Variants in TMPRSS15 observed in about 807,000 individuals in gnomAD.
TMPRSS15 encodes transmembrane serine protease 15.
In TMPRSS15, 128 loss-of-function variants were observed where a neutral mutation model predicts 125.3. That is an observed-to-expected ratio of 1.02 (90% CI 0.89 to 1.18). TMPRSS15 has a LOEUF of 1.18. TMPRSS15 is among the 50% of genes most tolerant of loss of function. TMPRSS15 has a pLI of 0.00. For synonymous variants in TMPRSS15, 446 were observed against 423.2 expected (o/e 1.05, Z -0.66); for missense variants, 1,283 against 1,212.7 (o/e 1.06, Z -0.86).
At chr21:18,362,134 T>C (rs1247035281) in intron 7 of TMPRSS15, among the ~76,000 whole-genome samples, 1 of 152,000 alleles carries the variant, frequency 6.6e-6, no homozygotes, top group East Asian at 1.9e-4. Flanking sequence ...CAGAAGATCA[T>C]CCCAGAGTAG....
At chr21:18,455,007 C>A (rs2123263195) in intron 1 of TMPRSS15, among the ~76,000 whole-genome samples, 1 of 152,184 alleles carries the variant, frequency 6.6e-6, no homozygotes, top group African/African-American at 2.4e-5. Flanking sequence ...GGGTGGGACC[C>A]AGTGGGAAGT....
chr21:18,363,295 G>C (rs1227636310), intron 7 of TMPRSS15, among the ~76,000 whole-genome samples: 5 of 151,864 alleles, frequency 3.3e-5, no homozygotes, highest in Non-Finnish European at 7.4e-5. Flanking sequence ...ATCAATCATA[G>C]ATTTCTTAAA....
intron 13 of TMPRSS15, among the ~76,000 whole-genome samples, chr21:18,337,536 A>T (rs1021241882): frequency 2.6e-5 from 4 of 152,216 alleles, no homozygotes; most frequent in African/African-American, 9.6e-5. Flanking sequence ...TTGTACCAAC[A>T]TCACAGAGCA....
chr21:18,443,874 T>A (rs1156883619), intron 1 of TMPRSS15, among the ~76,000 whole-genome samples: 2 of 152,148 alleles, frequency 1.3e-5, no homozygotes, highest in African/African-American at 2.4e-5. Context: ...AGCCAGAGGG[T>A]GCAGCTTCCT....
intron 18 of TMPRSS15, among the ~76,000 whole-genome samples, chr21:18,311,032 A>G (rs1344057789): frequency 2.0e-5 from 3 of 151,428 alleles, no homozygotes; most frequent in Admixed American, 2.0e-4. Context: ...CTGGATAACT[A>G]TATGAAGTAT....
Position 18,275,343 on chromosome 21 carries a change from A to C in TMPRSS15, c.2765-7T>G, listed in dbSNP as rs1275516593. The C allele has an allele frequency of 6.2e-7, 1 of 1,613,780 alleles. No homozygotes were observed. Among genetic ancestry groups the C allele is most frequent in the South Asian group, 1.1e-5 (1 of 91,086 alleles). Reference sequence around the variant, plus strand: ...AATATGTTTGCAGTAGTACCTGCTCAAAATGGAGAATGCAGCCAGCCAGTC... The same window carrying C: ...AATATGTTTGCAGTAGTACCTGCTCCAAATGGAGAATGCAGCCAGCCAGTC... On this transcript the variant is annotated splice_polypyrimidine_tract_variant and splice_region_variant and intron_variant, in intron 23 of 24. Coordinates refer to ENST00000284885, the MANE Select transcript of TMPRSS15 (RefSeq NM_002772.3).
chr21:18,293,273 G>A (rs760664122), intron 21 of TMPRSS15, among the ~76,000 whole-genome samples: 2 of 152,258 alleles, frequency 1.3e-5, no homozygotes, highest in East Asian at 1.9e-4. Flanking sequence ...GGAAAGTTGA[G>A]TCTTGTAACC....
chr21:18,403,364 C>T, intron 1 of TMPRSS15, 114 bp downstream of exon 1: 1 of 1,400,732 alleles, frequency 7.1e-7, no homozygotes, highest in Non-Finnish European at 1.0e-6. Flanking sequence ...AGATTGAAAG[C>T]CCAAAATAAT....
chr21:18,280,905 A>AT, intron 22 of TMPRSS15, 135 bp downstream of exon 22: 1 of 973,938 alleles, frequency 1.0e-6, no homozygotes, highest in Non-Finnish European at 1.6e-6. Flanking sequence ...CCCTAATCCC[A>AT]TTTAAGTTCC....
chr21:18,290,119 AG>A (rs1261571852), intron 21 of TMPRSS15, among the ~76,000 whole-genome samples: 1 of 152,228 alleles, frequency 6.6e-6, no homozygotes, highest in African/African-American at 2.4e-5. Context: ...TGTGGATAAT[AG>A]GAACAATGTT....
chr21:18,297,829 C>T lies in TMPRSS15; in HGVS notation c.2166G>A (p.Gly722=). The T allele has an allele frequency of 1.2e-6, 2 of 1,607,776 alleles. No individual in the cohort carries two copies. Among genetic ancestry groups the T allele is most frequent in the Non-Finnish European group, 1.7e-6 (2 of 1,174,670 alleles). ...AGATTGGCTTTGATGAGTTTCCACT[C>T]CTAGAGAAAAAAGAAAAAAGCATAC... ...SNDVCQLLGL[G]SGNSSKPIFP... is the part of the protein sequence containing the mutation. Residue 722 remains glycine, a splice_region_variant and synonymous_variant, in exon 19 of 25, where the codon GGG becomes GGA. Coordinates refer to ENST00000284885, the MANE Select transcript of TMPRSS15 (RefSeq NM_002772.3).
intron 1 of TMPRSS15, among the ~76,000 whole-genome samples, chr21:18,474,461 T>C (rs1030580517): frequency 3.9e-5 from 6 of 152,074 alleles, no homozygotes; most frequent in Admixed American, 2.6e-4. Flanking sequence ...CAGCTAATTT[T>C]GTATTTTTAG....
At chr21:18,468,951 G>A (rs962867024) in intron 1 of TMPRSS15, among the ~76,000 whole-genome samples, 2 of 152,106 alleles carry the variant, frequency 1.3e-5, no homozygotes, top group East Asian at 1.9e-4. Context: ...CATAAGTTAC[G>A]ACTTCCTCTG....
At chr21:18,356,174 C>T (rs1278772133) in intron 8 of TMPRSS15, among the ~76,000 whole-genome samples, 2 of 151,762 alleles carry the variant, frequency 1.3e-5, no homozygotes, top group African/African-American at 4.8e-5. Flanking sequence ...ACAGCAAAGG[C>T]TCTGGTGAAT....
chr21:18,379,888 G>A lies in TMPRSS15; in HGVS notation c.497-570C>T, dbSNP rs1428549645. The stretch of plus-strand genomic sequence containing the variant: ...AATATAGTACCTGGCTAAAGAGGAT[G>A]CCTTAAAAAATAAGACTTCAAGTCT... On this transcript the variant is annotated intron_variant, in intron 4 of 24. Transcript: ENST00000284885. Among the ~76,000 whole-genome samples the A allele has an allele frequency of 2.0e-5, 3 of 151,980 alleles. No homozygotes were observed. The East Asian group carries it at 5.8e-4, about 29-fold the overall frequency.
At chr21:18,426,350 T>C (rs1451677528) in intron 1 of TMPRSS15, among the ~76,000 whole-genome samples, 1 of 152,214 alleles carries the variant, frequency 6.6e-6, no homozygotes, top group Non-Finnish European at 1.5e-5. Flanking sequence ...CTCAGGCACA[T>C]GATCTGGCTA....
chr21:18,434,726 C>T (rs888292755), intron 1 of TMPRSS15, among the ~76,000 whole-genome samples: 2 of 151,922 alleles, frequency 1.3e-5, no homozygotes, highest in African/African-American at 2.4e-5. Context: ...ACATCTTAAT[C>T]CATCCAATGT....
At chr21:18,305,311 C>G (rs964880833) in intron 18 of TMPRSS15, among the ~76,000 whole-genome samples, 1 of 151,498 alleles carries the variant, frequency 6.6e-6, no homozygotes, top group Non-Finnish European at 1.5e-5. Context: ...GCCTCAGCCT[C>G]CCGAGTAGCT....
At position 18,281,203 on chromosome 21, in the gene TMPRSS15, G is replaced by T. The variant is rs147684105; in HGVS notation, c.2505C>A (p.Ser835=). The change falls in exon 22 of 25, where the codon TCC becomes TCA. Residue 835 remains serine, a synonymous_variant. Coordinates refer to ENST00000284885, the MANE Select transcript of TMPRSS15 (RefSeq NM_002772.3). ...GCAGGCCTAGGATTGCTGTCCACTT[G>T]GATGGCTCTAAGTTTCTCCTGAAAA... The part of the protein sequence containing the change: ...HCVYGRNLEP[S]KWTAILGLHM... 2.0e-5 allele frequency: 33 copies of T among 1,613,902 alleles called. No homozygotes were observed. The East Asian group carries it at 5.8e-4, about 28-fold the overall frequency.
Sources: gnomAD v4.1 joint callset for allele counts (sites outside exome capture counted in the v4.1 genomes callset) on GRCh38, gnomAD v4.1.1 for gene constraint, MANE v1.5 for transcripts, NCBI Gene and HGNC (gene_info 2026-07-23, HGNC 2026-07-21) for gene names.